The following SH3PXD2A variants were observed in gnomAD, a reference collection of about 807,000 sequenced individuals.
The protein encoded by SH3PXD2A is SH3 and PX domain-containing protein 2A.
SH3PXD2A carries 32 observed loss-of-function variants against 115.2 expected under a neutral mutation model. That is an observed-to-expected ratio of 0.28 (90% CI 0.21 to 0.37). SH3PXD2A has a LOEUF of 0.37. SH3PXD2A is among the 10% of genes least tolerant of loss of function. The pLI, the probability that SH3PXD2A is intolerant of heterozygous loss-of-function variation, is 1.00. For synonymous variants in SH3PXD2A, 610 were observed against 629.1 expected, an observed-to-expected ratio of 0.97 and a Z score of 0.45; for missense variants, 1,328 against 1,498.7, an observed-to-expected ratio of 0.89 and a Z score of 1.88.
chr10:103,663,089 G>C lies in SH3PXD2A; in HGVS notation c.473-1975C>G, dbSNP rs547898832. Among the ~76,000 whole-genome samples, 7 of 152,326 alleles carry C rather than the reference G, an allele frequency of 4.6e-5. No homozygotes were observed. In the South Asian group the frequency reaches 1.4e-3, roughly 32 times the overall value. On this transcript the variant is annotated intron_variant, in intron 7 of 14. Transcript: ENST00000369774. ...CAAAGTGCTGGGATTATAGGCATAG[G>C]CCACTGCGACTGGCATAAACTATAT...
At position 103,603,094 on chromosome 10, in the gene SH3PXD2A, G is replaced by GGAGGAGGAGGAA. The variant is rs751961538; in HGVS notation, c.2112_2123dup (p.Ser707_Ser710dup). ...CGCCACTGGTTTTGGACAAGGAAGAGGAGGAGGAGGAAGAGGAGGAGCAGC... is the reference window on the plus strand; with the variant it reads ...CGCCACTGGTTTTGGACAAGGAAGAGGAGGAGGAGGAAGAGGAGGAGGAAGAGGAGGAGCAGC... On this transcript the variant is annotated inframe_insertion, in exon 15 of 15. Transcript: ENST00000369774. 1 of 1,611,248 alleles carries GGAGGAGGAGGAA rather than the reference G, an allele frequency of 6.2e-7. No individual in the cohort carries two copies. The highest frequency in any genetic ancestry group is 1.3e-5 in the African/African-American group (1 of 74,922).
At position 103,811,080 on chromosome 10, in the gene SH3PXD2A, T is replaced by C. The variant is rs145840988; in HGVS notation, c.73-9718A>G. Among the ~76,000 whole-genome samples the C allele has an allele frequency of 5.5e-3, 844 of 152,186 alleles. 13 individuals carry two copies. The highest frequency in any genetic ancestry group is 0.019 in the African/African-American group (797 of 41,512). ...CCCAGGGCTGGGAAAACAATGACGG[T>C]CCCCAGGAGCGTCCGCTGAAAGGAT... On this transcript the variant is annotated intron_variant, in intron 1 of 14. Transcript: ENST00000369774.
chr10:103,659,785 G>A (rs1431470158), intron 8 of SH3PXD2A, among the ~76,000 whole-genome samples: 7 of 152,100 alleles, frequency 4.6e-5, no homozygotes, highest in Non-Finnish European at 1.0e-4. Context: ...GACCCTATAC[G>A]CATATCACAG....
chr10:103,629,094 C>A (rs894276669), intron 8 of SH3PXD2A, among the ~76,000 whole-genome samples: 5 of 152,182 alleles, frequency 3.3e-5, no homozygotes, highest in African/African-American at 1.2e-4. Context: ...AAACCCACAC[C>A]AATTCTCAGG....
intron 5 of SH3PXD2A, among the ~76,000 whole-genome samples, chr10:103,713,916 G>C (rs892525863): frequency 6.6e-6 from 1 of 152,178 alleles, no homozygotes; most frequent in Non-Finnish European, 1.5e-5. Flanking sequence ...CCAGGGCCCC[G>C]AGAGTGGGGA....
At chr10:103,669,601 C>T (rs1470643531) in intron 6 of SH3PXD2A, among the ~76,000 whole-genome samples, 1 of 152,234 alleles carries the variant, frequency 6.6e-6, no homozygotes, top group African/African-American at 2.4e-5. Context: ...AGTGGGTAGG[C>T]ATGTTTAGCC....
chr10:103,596,663 A>ACACACACACACACACACTCTCTCTCT lies in SH3PXD2A; in HGVS notation c.*5152_*5153insAGAGAGAGAGTGTGTGTGTGTGTGTG. The ACACACACACACACACACTCTCTCTCT allele has an allele frequency of 1.7e-4, 21 of 124,504 alleles. No individual in the cohort carries two copies. Among genetic ancestry groups the ACACACACACACACACACTCTCTCTCT allele is most frequent in the East Asian group, 9.9e-4 (4 of 4,032 alleles). 7.7% of individuals were successfully genotyped at this position (124,504 alleles called of 1,614,324 possible). On this transcript the variant is annotated 3_prime_UTR_variant, in exon 15 of 15. Transcript: ENST00000369774. Reference sequence around the variant, plus strand: ...CACACACACACACACACACACACACACTCTCTCTCTCTCTCTCTCTCTCAC... The same window carrying ACACACACACACACACACTCTCTCTCT: ...CACACACACACACACACACACACACACACACACACACACACACTCTCTCTCTCTCTCTCTCTCTCTCTCTCTCTCAC...
At chr10:103,678,799 C>A (rs1172680027) in intron 6 of SH3PXD2A, among the ~76,000 whole-genome samples, 2 of 152,200 alleles carry the variant, frequency 1.3e-5, no homozygotes, top group Non-Finnish European at 2.9e-5. Context: ...AGATTCATGG[C>A]CTCCTTTGTC....
rs2038069218 is a variant in SH3PXD2A, at chr10:103,713,453, C to A, written c.398+10817G>T. On this transcript the variant is annotated intron_variant, in intron 5 of 14. Transcript: ENST00000369774. ...AGCGATTGTTAATGACTGCCTCAGG[C>A]CTATCTCTTCTTGGCCTAGCCCTAG... Among the ~76,000 whole-genome samples the A allele has an allele frequency of 6.6e-5, 10 of 152,344 alleles. No individual in the cohort carries two copies. In the South Asian group the frequency reaches 2.1e-3, roughly 32 times the overall value.
chr10:103,697,273 C>T (rs1271937262), intron 5 of SH3PXD2A, among the ~76,000 whole-genome samples: 2 of 152,130 alleles, frequency 1.3e-5, no homozygotes, highest in African/African-American at 4.8e-5. Flanking sequence ...GTAGAAAGGG[C>T]TTCGCACAGT....
At chr10:103,730,065 C>A (rs532668387) in intron 4 of SH3PXD2A, among the ~76,000 whole-genome samples, 1 of 152,324 alleles carries the variant, frequency 6.6e-6, no homozygotes, top group East Asian at 1.9e-4. Context: ...GTGCTCAGGC[C>A]TTCTGCCTCG....
intron 8 of SH3PXD2A, among the ~76,000 whole-genome samples, chr10:103,656,124 C>T (rs1233877916): frequency 6.6e-6 from 1 of 152,216 alleles, no homozygotes; most frequent in African/African-American, 2.4e-5. Flanking sequence ...GGATTCTTCA[C>T]CCTCTCCACC....
chr10:103,839,497 C>T (rs2039576543), intron 1 of SH3PXD2A, among the ~76,000 whole-genome samples: 1 of 152,162 alleles, frequency 6.6e-6, no homozygotes. Flanking sequence ...TCATCACCAG[C>T]CTGAGAGATG....
intron 1 of SH3PXD2A, among the ~76,000 whole-genome samples, chr10:103,807,586 A>G (rs2039219783): frequency 2.0e-5 from 3 of 152,340 alleles, no homozygotes; most frequent in Admixed American, 2.0e-4. Context: ...GTGGACATGT[A>G]GGTGTGAAAT....
In SH3PXD2A at chr10:103,756,460, G is replaced by A. The variant is rs985857402; in HGVS notation, c.229+10634C>T. ...GTGTTCCCCTCCACCACCATCACCC[G>A]CTGCTGCCACTCCCGAGCCCTCAGT... On this transcript the variant is annotated intron_variant, in intron 3 of 14. Coordinates refer to ENST00000369774, the MANE Select transcript of SH3PXD2A (RefSeq NM_001394015.1). This position sits in a 1 kb window ranked among gnomAD's most constrained non-coding sequence, Gnocchi z 4.4. Among the ~76,000 whole-genome samples the A allele has an allele frequency of 4.9e-4, 74 of 152,188 alleles. 1 individual carries two copies. Among genetic ancestry groups the A allele is most frequent in the Non-Finnish European group, 9.6e-4 (65 of 67,994 alleles).
chr10:103,651,599 C>T (rs1445564262), intron 8 of SH3PXD2A, among the ~76,000 whole-genome samples: 1 of 152,244 alleles, frequency 6.6e-6, no homozygotes, highest in South Asian at 2.1e-4. Context: ...AACCTTGGGG[C>T]AAGTCACTTC....
At chr10:103,781,240 C>T (rs753037951) in intron 2 of SH3PXD2A, among the ~76,000 whole-genome samples, 8 of 152,222 alleles carry the variant, frequency 5.3e-5, no homozygotes, top group Non-Finnish European at 1.0e-4. Context: ...TTCCCAGCCT[C>T]CCTTGCTGGG....
rs568418574 is a variant in SH3PXD2A at position 103,796,019 on chromosome 10, G to T, written c.153+5263C>A. 7.2e-5 allele frequency among the ~76,000 whole-genome samples: 11 copies of T among 152,176 alleles called. No individual in the cohort carries two copies. In the South Asian group the frequency reaches 2.3e-3, roughly 32 times the overall value. On this transcript the variant is annotated intron_variant, in intron 2 of 14. Coordinates refer to ENST00000369774, the MANE Select transcript of SH3PXD2A (RefSeq NM_001394015.1). ...AAAACAACCAAATCCCCCCAAACTA[G>T]AGTGTGGGTGTTTGGCTATGTCACC...
At chr10:103,618,961 G>C (rs1261281746) in intron 10 of SH3PXD2A, among the ~76,000 whole-genome samples, 2 of 152,216 alleles carry the variant, frequency 1.3e-5, no homozygotes, top group South Asian at 2.1e-4. Context: ...GCTCCCTTTG[G>C]GGGTGGTTGT....
Sources: gnomAD v4.1 joint callset for allele counts (sites outside exome capture counted in the v4.1 genomes callset) on GRCh38, gnomAD v4.1.1 for gene constraint, Gnocchi (gnomAD v3.1) non-coding constraint, MANE v1.5 for transcripts, NCBI Gene and HGNC (gene_info 2026-07-23, HGNC 2026-07-21) for gene names.